The following TRAF2 variants were observed in gnomAD, a reference collection of about 807,000 sequenced individuals.
TRAF2 encodes TNF receptor associated factor 2, also known as TNF receptor-associated factor 2.
A neutral mutation model predicts 55.6 loss-of-function variants in TRAF2; 6 were observed. The ratio of observed to expected loss-of-function variants is 0.11; its 90% CI spans 0.06 to 0.21. The LOEUF is 0.21. Ranked by LOEUF, TRAF2 falls within the 10% of genes least tolerant of loss-of-function variation. TRAF2 has a pLI of 1.00. For missense variants in TRAF2, 561 were observed against 684.5 expected, an observed-to-expected ratio of 0.82 and a Z score of 2.01; for synonymous variants, 329 against 276.3, an observed-to-expected ratio of 1.19 and a Z score of -1.89.
intron 7 of TRAF2, among the ~76,000 whole-genome samples, chr9:136,919,055 T>TA (rs1243907764): frequency 1.3e-5 from 2 of 148,824 alleles, no homozygotes; most frequent in Non-Finnish European, 3.0e-5. Context: ...TTTATTTATT[T>TA]ATTTATTTAT....
chr9:136,912,493 T>C (rs912979852), intron 6 of TRAF2, among the ~76,000 whole-genome samples: 1 of 152,150 alleles, frequency 6.6e-6, no homozygotes, highest in African/African-American at 2.4e-5. Flanking sequence ...CAAATCTTGG[T>C]TCCTAACACT....
intron 6 of TRAF2, among the ~76,000 whole-genome samples, chr9:136,911,770 C>A (rs72761067): frequency 6.6e-6 from 1 of 151,322 alleles, no homozygotes; most frequent in African/African-American, 2.4e-5. Context: ...CCCCCTGGCC[C>A]GTTCCAGAGG....
At chr9:136,901,721 C>T (rs1849824121) in intron 4 of TRAF2, among the ~76,000 whole-genome samples, 1 of 152,210 alleles carries the variant, frequency 6.6e-6, no homozygotes, top group Admixed American at 6.5e-5. Context: ...GCTTTCTGCA[C>T]TTAGGGGAGC....
chr9:136,920,410 T>C lies in TRAF2; in HGVS notation c.855T>C (p.Ile285=). The change falls in exon 8 of 11, where the codon ATT becomes ATC. Residue 285 remains isoleucine, a synonymous_variant. Coordinates refer to ENST00000247668, the MANE Select transcript of TRAF2 (RefSeq NM_021138.4). ...LEKKTATFEN[I]VCVLNREVER... The stretch of plus-strand genomic sequence containing the variant: ...AGAAGACGGCCACTTTTGAGAACAT[T>C]GTCTGCGTCCTGAACCGGGAGGTGG... 1.2e-6 allele frequency: 2 copies of C among 1,614,058 alleles called. No individual in the cohort carries two copies. Among genetic ancestry groups the C allele is most frequent in the Non-Finnish European group, 1.7e-6 (2 of 1,180,002 alleles).
At chr9:136,896,196 A>G (rs2811758) in intron 1 of TRAF2, among the ~76,000 whole-genome samples, 123,430 of 152,206 alleles carry the variant, frequency 0.81, 50,395 homozygotes, top group African/African-American at 0.9. Context: ...TCCTCTCACT[A>G]GGCTCTCAGG....
intron 1 of TRAF2, among the ~76,000 whole-genome samples, chr9:136,893,330 G>A (rs1187950272): frequency 6.6e-6 from 1 of 152,220 alleles, no homozygotes; most frequent in Non-Finnish European, 1.5e-5. Context: ...CGAATGTAAG[G>A]TCTCACTAAA....
In TRAF2 at chr9:136,926,250, G is replaced by A; in HGVS notation, c.*349G>A. On this transcript the variant is annotated 3_prime_UTR_variant, in exon 11 of 11. Coordinates refer to ENST00000247668, the MANE Select transcript of TRAF2 (RefSeq NM_021138.4). Reference sequence around the variant, plus strand: ...ACACTCAGAGTGGGAGCACATCCCAGCAGTGCCCATGTAGCAGGAGCACAG... The same window carrying A: ...ACACTCAGAGTGGGAGCACATCCCAACAGTGCCCATGTAGCAGGAGCACAG... 7.2e-6 allele frequency: 3 copies of A among 417,000 alleles called. No homozygotes were observed. Among genetic ancestry groups the A allele is most frequent in the Non-Finnish European group, 9.2e-6 (2 of 217,094 alleles). The allele number at this position is 417,000 out of a possible 1,614,324, so 25.8% of individuals were successfully genotyped here. A position where few individuals can be genotyped will look rare whatever the true frequency, so the allele number is the denominator to read the frequency against.
At chr9:136,900,605 C>T in intron 4 of TRAF2, 85 bp downstream of exon 4, 1 of 1,068,746 alleles carries the variant, frequency 9.4e-7, no homozygotes, top group Non-Finnish European at 1.4e-6. Context: ...TGACCTTGTC[C>T]TGCACGTTCC....
chr9:136,926,069 C>A lies in TRAF2; in HGVS notation c.*168C>A, dbSNP rs1456915877. 1 of 845,424 alleles carries A rather than the reference C, an allele frequency of 1.2e-6. No individual in the cohort carries two copies. Among genetic ancestry groups the A allele is most frequent in the Non-Finnish European group, 2.0e-6 (1 of 498,110 alleles). The allele number at this position is 845,424 out of a possible 1,614,324, so 52.4% of individuals were successfully genotyped here. A position where few individuals can be genotyped will look rare whatever the true frequency, so the allele number is the denominator to read the frequency against. On this transcript the variant is annotated 3_prime_UTR_variant, in exon 11 of 11. Coordinates refer to ENST00000247668, the MANE Select transcript of TRAF2 (RefSeq NM_021138.4). ...AGTTCACTGTCACGGGGGAAGGAGC[C>A]ACCAGCCAGTCCTCAGATTTCAGAG...
chr9:136,921,395 G>A (rs1484852910), intron 9 of TRAF2, among the ~76,000 whole-genome samples, 180 bp downstream of exon 9: 2 of 152,162 alleles, frequency 1.3e-5, no homozygotes, highest in South Asian at 2.1e-4. Flanking sequence ...TGGGCTGGCC[G>A]GTGGGTGCCC....
chr9:136,909,695 C>T (rs976630208), intron 5 of TRAF2, among the ~76,000 whole-genome samples: 56 of 152,322 alleles, frequency 3.7e-4, no homozygotes, highest in African/African-American at 1.2e-3. Context: ...GGGTCTCCCT[C>T]GCATTGCCCT....
At chr9:136,921,339 C>T (rs1232641220) in intron 9 of TRAF2, 124 bp downstream of exon 9, 73 of 1,244,558 alleles carry the variant, frequency 5.9e-5, no homozygotes, top group Non-Finnish European at 7.6e-5. Flanking sequence ...CCAGTGATAC[C>T]GGGAGCAGCT....
intron 7 of TRAF2, among the ~76,000 whole-genome samples, chr9:136,917,588 T>C (rs1184565743): frequency 6.6e-6 from 1 of 152,188 alleles, no homozygotes; most frequent in African/African-American, 2.4e-5. Context: ...AGGCCGTGGG[T>C]GCAGACCCTC....
At chr9:136,885,366 G>T (rs932317478), upstream of TRAF2, among the ~76,000 whole-genome samples, 1 of 152,152 alleles carries the variant, frequency 6.6e-6, no homozygotes, top group African/African-American at 2.4e-5. Context: ...TGGAGAGGGG[G>T]TGGTGTGTCC....
chr9:136,908,259 T>C, intron 5 of TRAF2, 28 bp downstream of exon 5: 2 of 1,539,386 alleles, frequency 1.3e-6, no homozygotes, highest in Non-Finnish European at 1.7e-6. Flanking sequence ...GCAGCCTGTG[T>C]GGCTGCAGCC....
At chr9:136,918,450 C>A (rs145627679) in intron 7 of TRAF2, among the ~76,000 whole-genome samples, 1 of 151,102 alleles carries the variant, frequency 6.6e-6, no homozygotes, top group Non-Finnish European at 1.5e-5. Context: ...CCACCACACC[C>A]GGCTAATTTT....
chr9:136,926,127 A>C lies in TRAF2; in HGVS notation c.*226A>C. The C allele has an allele frequency of 1.4e-6, 1 of 732,408 alleles. No homozygotes were observed. The highest frequency in any genetic ancestry group is 1.4e-5 in the South Asian group (1 of 70,102). 45.4% of individuals were successfully genotyped at this position (732,408 alleles called of 1,614,324 possible). A position where few individuals can be genotyped will look rare whatever the true frequency, so the allele number is the denominator to read the frequency against. On this transcript the variant is annotated 3_prime_UTR_variant, in exon 11 of 11. Coordinates refer to ENST00000247668, the MANE Select transcript of TRAF2 (RefSeq NM_021138.4). ...AGGGGCTTGGCAGACGGTCTTAGCC[A>C]AGGGCTGTGGTGGCATTGGCCGAGG...
chr9:136,922,848 CGAGGATGGG>C (rs1159717826), intron 9 of TRAF2, among the ~76,000 whole-genome samples: 31 of 95,234 alleles, frequency 3.3e-4, no homozygotes, highest in African/African-American at 1.3e-3. Flanking sequence ...TGGTGGAGGA[CGAGGATGGG>C]GAGGATGGGC....
chr9:136,914,461 C>T (rs1489527095), intron 6 of TRAF2, among the ~76,000 whole-genome samples: 1 of 152,204 alleles, frequency 6.6e-6, no homozygotes, highest in African/African-American at 2.4e-5. Context: ...GGGGGGTGCC[C>T]AGTGACAGTT....
Sources: gnomAD v4.1 joint callset for allele counts (sites outside exome capture counted in the v4.1 genomes callset) on GRCh38, gnomAD v4.1.1 for gene constraint, MANE v1.5 for transcripts, NCBI Gene and HGNC (gene_info 2026-07-23, HGNC 2026-07-21) for gene names.